Variants in SLC25A48 observed in about 807,000 individuals in gnomAD.
SLC25A48 encodes CTC-321K16.1.
A neutral mutation model predicts 32.2 loss-of-function variants in SLC25A48; 29 were observed. The observed-to-expected ratio is 0.90, with a 90% CI of 0.67 to 1.23. The LOEUF (loss-of-function observed/expected upper bound fraction) is 1.23. Ranked by LOEUF, SLC25A48 falls within the 50% of genes most tolerant of loss-of-function variation. SLC25A48 has a pLI of 0.00. For synonymous variants in SLC25A48, 164 were observed against 172.3 expected (o/e 0.95, Z 0.38); for missense variants, 399 against 422.7 (o/e 0.94, Z 0.49).
intron 4 of SLC25A48, chr5:135,826,395 C>T (rs1320251215): frequency 1.3e-5 from 2 of 152,420 alleles, no homozygotes; most frequent in African/African-American, 2.4e-5. Flanking sequence ...TGAACAGCCA[C>T]ACCAAAAGTG....
intron 3 of SLC25A48, among the ~76,000 whole-genome samples, chr5:135,688,854 G>A (rs1754078894): frequency 6.6e-6 from 1 of 152,154 alleles, no homozygotes; most frequent in South Asian, 2.1e-4. Flanking sequence ...CAATGTCAAT[G>A]GGAGCCAATG....
intron 2 of SLC25A48, among the ~76,000 whole-genome samples, chr5:135,634,460 C>G (rs1382151040): frequency 6.6e-6 from 1 of 152,232 alleles, no homozygotes; most frequent in Non-Finnish European, 1.5e-5. Context: ...ATGTTGAACT[C>G]AACACCATGG....
At chr5:135,765,367 A>G (rs1207976830) in intron 3 of SLC25A48, among the ~76,000 whole-genome samples, 2 of 151,226 alleles carry the variant, frequency 1.3e-5, no homozygotes, top group Non-Finnish European at 2.9e-5. Context: ...AAAAAGGGTG[A>G]TACTACTCTT....
At chr5:135,693,806 C>T (rs377732882) in intron 3 of SLC25A48, among the ~76,000 whole-genome samples, 67 of 152,286 alleles carry the variant, frequency 4.4e-4, no homozygotes, top group African/African-American at 1.4e-3. Context: ...GGGGAGCAAC[C>T]GTCCACAACC....
intron 3 of SLC25A48, among the ~76,000 whole-genome samples, chr5:135,694,329 G>T (rs1754218547): frequency 6.6e-6 from 1 of 152,196 alleles, no homozygotes; most frequent in Non-Finnish European, 1.5e-5. Flanking sequence ...TGGAGGGAGG[G>T]CTGCAGAGGT....
rs186431719 is a variant in SLC25A48 at position 135,786,650 on chromosome 5, G to A, written c.-520-25873G>A. 7.9e-5 allele frequency among the ~76,000 whole-genome samples: 12 copies of A among 152,144 alleles called. No homozygotes were observed. In the East Asian group the frequency reaches 2.3e-3, roughly 29 times the overall value. ...TAGTGATACTAATTGTAATTTCTTAGGGGGATATTTCTCCTAATGTCACAG... is the reference window on the plus strand; with the variant it reads ...TAGTGATACTAATTGTAATTTCTTAAGGGGATATTTCTCCTAATGTCACAG... On this transcript the variant is annotated intron_variant, in intron 3 of 10. Transcript: ENST00000646290.
chr5:135,828,903 TCAGG>T (rs774999209), intron 4 of SLC25A48, among the ~76,000 whole-genome samples: 10 of 152,222 alleles, frequency 6.6e-5, no homozygotes, highest in Non-Finnish European at 8.8e-5. Flanking sequence ...CTGGCACTAC[TCAGG>T]CAGTTCCCTC....
At chr5:135,695,672 C>CCAT (rs1040052006) in intron 3 of SLC25A48, among the ~76,000 whole-genome samples, 2 of 152,214 alleles carry the variant, frequency 1.3e-5, no homozygotes, top group Admixed American at 6.5e-5. Flanking sequence ...CACTTTCCTC[C>CCAT]CATCTCCTGT....
intron 1 of SLC25A48, among the ~76,000 whole-genome samples, chr5:135,599,757 A>G (rs1751743652): frequency 2.0e-5 from 3 of 152,106 alleles, no homozygotes; most frequent in African/African-American, 7.2e-5. Context: ...TTATCCAGCC[A>G]GTGTTTCTTG....
chr5:135,742,957 T>TCCCCCCCCCCCCC (rs1755534704), intron 3 of SLC25A48, among the ~76,000 whole-genome samples: 1 of 12,902 alleles, frequency 7.8e-5, no homozygotes, highest in Non-Finnish European at 1.2e-4. Flanking sequence ...TCTGGAGACC[T>TCCCCCCCCCCCCC]CCCCCTCCCC....
intron 2 of SLC25A48, among the ~76,000 whole-genome samples, chr5:135,848,508 C>T (rs1759592871): frequency 6.6e-6 from 1 of 152,192 alleles, no homozygotes; most frequent in Non-Finnish European, 1.5e-5. Context: ...GGAGTCTCCC[C>T]CACTGAATTT....
chr5:135,802,889 T>G (rs1320806508), intron 3 of SLC25A48: 1 of 151,604 alleles, frequency 6.6e-6, no homozygotes, highest in Non-Finnish European at 1.5e-5. Flanking sequence ...ATTTGTAATA[T>G]TCTAGGGAGA....
intron 4 of SLC25A48, among the ~76,000 whole-genome samples, chr5:135,818,099 CTCTCTCTCTCTCTCT>C (rs1757782014): frequency 1.5e-5 from 2 of 136,560 alleles, no homozygotes; most frequent in Non-Finnish European, 3.2e-5. Context: ...CTCTCTCTCT[CTCTCTCTCTCTCTCT>C]CTCTCCCTCT....
intron 3 of SLC25A48, among the ~76,000 whole-genome samples, chr5:135,807,690 A>G (rs1757494329): frequency 6.6e-6 from 1 of 150,480 alleles, no homozygotes; most frequent in African/African-American, 2.4e-5. Context: ...ATAAATATGG[A>G]AATTTTATTA....
intron 3 of SLC25A48, among the ~76,000 whole-genome samples, chr5:135,666,657 CAGAG>C (rs70976575): frequency 0.024 from 3,653 of 149,984 alleles, 58 homozygotes; most frequent in African/African-American, 0.039. Context: ...TTCAGGGCAT[CAGAG>C]AGAGAGAGAG....
intron 4 of SLC25A48, among the ~76,000 whole-genome samples, chr5:135,864,414 G>A (rs1256158615): frequency 6.6e-6 from 1 of 152,140 alleles, no homozygotes; most frequent in Non-Finnish European, 1.5e-5. Context: ...ACAGGGTAGG[G>A]GTTATTGATG....
chr5:135,841,495 A>G (rs777616780), intron 1 of SLC25A48, among the ~76,000 whole-genome samples: 13 of 152,354 alleles, frequency 8.5e-5, no homozygotes, highest in Non-Finnish European at 1.6e-4. Context: ...AATTGACACC[A>G]GACTGATTAA....
chr5:135,604,149 T>G, intron 1 of SLC25A48, among the ~76,000 whole-genome samples: 1 of 152,170 alleles, frequency 6.6e-6, no homozygotes, highest in Admixed American at 6.5e-5. Flanking sequence ...TTAGCAAGCT[T>G]TAAGAAACCT....
intron 3 of SLC25A48, among the ~76,000 whole-genome samples, chr5:135,765,261 C>A (rs1378972026): frequency 1.3e-5 from 2 of 151,504 alleles, no homozygotes; most frequent in African/African-American, 2.4e-5. Flanking sequence ...GGTGTGTACA[C>A]CCCCCTGTGA....
Sources: allele counts gnomAD v4.1 joint callset (sites outside exome capture counted in the v4.1 genomes callset), GRCh38; gene constraint gnomAD v4.1.1; transcripts MANE v1.5; gene names NCBI Gene and HGNC (gene_info 2026-07-23, HGNC 2026-07-21).